Variants in NLGN1 observed in about 807,000 individuals in gnomAD.
NLGN1 encodes neuroligin-1.
Under a neutral mutation model 65.5 loss-of-function variants are expected in NLGN1, and 12 were observed. The observed-to-expected ratio is 0.18, with a 90% CI of 0.12 to 0.30. The LOEUF (loss-of-function observed/expected upper bound fraction) is 0.30, where lower values mean the gene tolerates loss of function less well. Ranked by LOEUF, NLGN1 falls within the 10% of genes least tolerant of loss-of-function variation. NLGN1 has a pLI of 1.00. For missense variants in NLGN1, 750 were observed against 1,007.1 expected, an observed-to-expected ratio of 0.74 and a Z score of 3.46; for synonymous variants, 350 against 359.5, an observed-to-expected ratio of 0.97 and a Z score of 0.30.
chr3:173,401,024 C>T (rs897861651), intron 1 of NLGN1, among the ~76,000 whole-genome samples: 1 of 152,114 alleles, frequency 6.6e-6, no homozygotes, highest in African/African-American at 2.4e-5. Flanking sequence ...ACTGATGTGC[C>T]TCCAAACTCG....
chr3:174,202,797 G>A (rs1449425760), intron 4 of NLGN1: 2 of 152,088 alleles, frequency 1.3e-5, no homozygotes, highest in African/African-American at 2.4e-5. Context: ...AATAAATATC[G>A]CAGCAGTAAT....
At chr3:173,556,547 A>G (rs1498640) in intron 2 of NLGN1, among the ~76,000 whole-genome samples, 85,723 of 151,850 alleles carry the variant, frequency 0.56, 24,141 homozygotes, top group East Asian at 0.8. Context: ...GGGTACAGTG[A>G]CTTATGCCTG....
intron 4 of NLGN1, among the ~76,000 whole-genome samples, chr3:174,108,206 A>G (rs563548351): frequency 6.6e-6 from 1 of 152,106 alleles, no homozygotes; most frequent in East Asian, 1.9e-4. Context: ...ATGTCTAAGA[A>G]CTATTTGTGT....
intron 4 of NLGN1, among the ~76,000 whole-genome samples, chr3:174,116,369 G>T (rs1405560939): frequency 2.6e-5 from 3 of 114,496 alleles, no homozygotes; most frequent in Middle Eastern, 8.5e-3. Context: ...AGACAGTCTC[G>T]CTCTATAGCC....
Position 173,685,693 on chromosome 3 carries a change from A to G in NLGN1, c.493+80602A>G, listed in dbSNP as rs145118079. The G allele has an allele frequency of 1.8e-3, 1,738 of 985,352 alleles. 1 individual carries two copies. Among genetic ancestry groups the G allele is most frequent in the Non-Finnish European group, 2.0e-3 (1,639 of 829,874 alleles). 61.0% of individuals were successfully genotyped at this position (985,352 alleles called of 1,614,324 possible). On this transcript the variant is annotated intron_variant, in intron 3 of 6. Transcript: ENST00000457714. The stretch of plus-strand genomic sequence containing the variant: ...CTATGTCATGTAAGGACTCAAATCC[A>G]GGAAGTTTGGTAAATGATCCCAAGA...
chr3:174,058,689 T>A (rs1736721583), intron 4 of NLGN1, among the ~76,000 whole-genome samples: 1 of 152,114 alleles, frequency 6.6e-6, no homozygotes, highest in African/African-American at 2.4e-5. Flanking sequence ...TTATTTTACC[T>A]GACCTACCTC....
chr3:173,947,905 A>C (rs975285097), intron 4 of NLGN1, among the ~76,000 whole-genome samples: 1 of 152,244 alleles, frequency 6.6e-6, no homozygotes, highest in Admixed American at 6.5e-5. Context: ...TAATTAAAAA[A>C]TAAATGATTT....
intron 3 of NLGN1, among the ~76,000 whole-genome samples, chr3:173,619,392 T>A (rs1233626997): frequency 6.6e-6 from 1 of 152,168 alleles, no homozygotes; most frequent in East Asian, 1.9e-4. Context: ...GATCAAACAA[T>A]TATTGAGTGT....
At chr3:174,161,510 G>A (rs1170592723) in intron 4 of NLGN1, among the ~76,000 whole-genome samples, 3 of 151,882 alleles carry the variant, frequency 2.0e-5, no homozygotes, top group Non-Finnish European at 4.4e-5. Flanking sequence ...AGTATTGCCA[G>A]TGAAGAAGGC....
rs1561174894 is a variant in NLGN1 at position 174,154,978 on chromosome 3, T to TAATATATA, written c.647-120336_647-120335insATATATAA. Among the ~76,000 whole-genome samples, 1,236 of 132,698 alleles carry TAATATATA rather than the reference T, an allele frequency of 9.3e-3. 12 individuals carry two copies. Among genetic ancestry groups the TAATATATA allele is most frequent in the Middle Eastern group, 0.034 (9 of 262 alleles). 87.1% of individuals were successfully genotyped at this position (132,698 alleles called of 152,430 possible). On this transcript the variant is annotated intron_variant, in intron 4 of 6. Coordinates refer to ENST00000457714, the Ensembl canonical transcript of NLGN1. ...ATATAATATATAATTATATATAATA[T>TAATATATA]ATTATATTATATATTATATATATTT...
intron 3 of NLGN1, among the ~76,000 whole-genome samples, chr3:173,791,490 A>G (rs940226503): frequency 2.0e-5 from 3 of 150,874 alleles, no homozygotes; most frequent in Non-Finnish European, 4.4e-5. Context: ...TGTCCTTCCA[A>G]ATCCATTGGC....
At chr3:173,878,277 T>C (rs1275477566) in intron 4 of NLGN1, among the ~76,000 whole-genome samples, 1 of 152,112 alleles carries the variant, frequency 6.6e-6, no homozygotes, top group East Asian at 1.9e-4. Context: ...TCTGACCTTG[T>C]AATCCCCCTG....
At chr3:173,455,952 G>T (rs974915373) in intron 2 of NLGN1, among the ~76,000 whole-genome samples, 1 of 152,056 alleles carries the variant, frequency 6.6e-6, no homozygotes, top group Non-Finnish European at 1.5e-5. Flanking sequence ...TGATGGCCCA[G>T]CTTATACTAT....
chr3:173,676,167 T>A (rs1441552423), intron 3 of NLGN1, among the ~76,000 whole-genome samples: 1 of 152,020 alleles, frequency 6.6e-6, no homozygotes, highest in African/African-American at 2.4e-5. Flanking sequence ...AAAAGGAAAC[T>A]AGAAAGAAAA....
At position 173,626,262 on chromosome 3, in the gene NLGN1, T is replaced by C. The variant is rs193015060; in HGVS notation, c.493+21171T>C. ...TTGCTACCATTTTGGGCAGTGCAGC[T>C]GGAAATGAATATTAGTATTACCAGG... On this transcript the variant is annotated intron_variant, in intron 3 of 6. Transcript: ENST00000457714. Among the ~76,000 whole-genome samples, 4 of 152,202 alleles carry C rather than the reference T, an allele frequency of 2.6e-5. No individual in the cohort carries two copies. In the East Asian group the frequency reaches 7.7e-4, roughly 29 times the overall value.
chr3:173,712,963 T>C (rs1442765252), intron 3 of NLGN1, among the ~76,000 whole-genome samples: 2 of 152,092 alleles, frequency 1.3e-5, no homozygotes, highest in African/African-American at 4.8e-5. Context: ...ATATGTGTAG[T>C]AGCAGCAAGG....
chr3:174,128,052 T>C (rs1427867470), intron 4 of NLGN1, among the ~76,000 whole-genome samples: 1 of 152,146 alleles, frequency 6.6e-6, no homozygotes, highest in Non-Finnish European at 1.5e-5. Flanking sequence ...TGAGAATTTG[T>C]TGAATGAGTC....
intron 1 of NLGN1, among the ~76,000 whole-genome samples, chr3:173,421,083 T>C (rs1160971102): frequency 6.6e-6 from 1 of 152,168 alleles, no homozygotes; most frequent in Non-Finnish European, 1.5e-5. Context: ...TTAAAAATAA[T>C]AATACAATTG....
At chr3:173,521,710 T>C (rs1734788328) in intron 2 of NLGN1, among the ~76,000 whole-genome samples, 1 of 152,236 alleles carries the variant, frequency 6.6e-6, no homozygotes, top group Non-Finnish European at 1.5e-5. Context: ...AAAATACTCC[T>C]GTAGCATTTA....
Sources: gnomAD v4.1 joint callset for allele counts (sites outside exome capture counted in the v4.1 genomes callset) on GRCh38, gnomAD v4.1.1 for gene constraint, MANE v1.5 for transcripts, NCBI Gene and HGNC (gene_info 2026-07-23, HGNC 2026-07-21) for gene names.